Variants in ADARB2 observed in about 807,000 individuals in gnomAD.
The protein encoded by ADARB2 is inactive double-stranded RNA-specific editase B2.
Under a neutral mutation model 62.2 loss-of-function variants are expected in ADARB2, and 25 were observed. The ratio of observed to expected loss-of-function variants is 0.40; its 90% CI spans 0.29 to 0.56. The LOEUF is 0.56. Ranked by LOEUF, ADARB2 falls within the 20% of genes least tolerant of loss-of-function variation. ADARB2 has a pLI of 0.43. For synonymous variants in ADARB2, 572 were observed against 500.8 expected (o/e 1.14, Z -1.90); for missense variants, 1,071 against 1,077.4 (o/e 0.99, Z 0.08).
chr10:1,269,211 C>T (rs1831235971), intron 4 of ADARB2, among the ~76,000 whole-genome samples: 1 of 152,058 alleles, frequency 6.6e-6, no homozygotes, highest in Admixed American at 6.6e-5. Flanking sequence ...TGTAACACTC[C>T]ACATTTTAAA....
intron 1 of ADARB2, among the ~76,000 whole-genome samples, chr10:1,668,923 C>T (rs1834346172): frequency 6.6e-6 from 1 of 152,180 alleles, no homozygotes. Context: ...TGTGACAGAG[C>T]CTGGTTAGGT....
At chr10:1,517,129 G>C (rs557306583) in intron 1 of ADARB2, among the ~76,000 whole-genome samples, 18 of 152,268 alleles carry the variant, frequency 1.2e-4, no homozygotes, top group African/African-American at 4.3e-4. Flanking sequence ...CAGCTGCACC[G>C]AGAGTGTGAG....
intron 1 of ADARB2, among the ~76,000 whole-genome samples, chr10:1,581,384 C>G (rs1302000556): frequency 6.6e-6 from 1 of 152,222 alleles, no homozygotes; most frequent in Non-Finnish European, 1.5e-5. Context: ...GTCACCATCT[C>G]CCCCGAGGAC....
At chr10:1,229,959 G>C (rs1411720801) in intron 6 of ADARB2, among the ~76,000 whole-genome samples, 1 of 152,178 alleles carries the variant, frequency 6.6e-6, no homozygotes, top group Non-Finnish European at 1.5e-5. Context: ...ATCGCTCGAT[G>C]CAGGCCAAAG....
chr10:1,554,514 T>G (rs1832673873), intron 1 of ADARB2, among the ~76,000 whole-genome samples: 1 of 152,024 alleles, frequency 6.6e-6, no homozygotes, highest in African/African-American at 2.4e-5. Context: ...CCCCAAGTTC[T>G]GCTGGTGACG....
chr10:1,274,213 G>A (rs1339206123), intron 3 of ADARB2, among the ~76,000 whole-genome samples: 4 of 152,250 alleles, frequency 2.6e-5, no homozygotes, highest in Non-Finnish European at 4.4e-5. Flanking sequence ...AGGCGTCCTG[G>A]ACTCCAGCCA....
At chr10:1,717,619 C>T (rs936488731) in intron 1 of ADARB2, among the ~76,000 whole-genome samples, 1 of 150,516 alleles carries the variant, frequency 6.6e-6, no homozygotes, top group Non-Finnish European at 1.5e-5. Flanking sequence ...GTTCTGTCAC[C>T]AAGTCTGGAG....
chr10:1,357,365 G>A (rs1302522387), intron 3 of ADARB2, among the ~76,000 whole-genome samples: 2 of 152,118 alleles, frequency 1.3e-5, no homozygotes, highest in South Asian at 2.1e-4. Context: ...GAGGTTGGTG[G>A]GCACAGTGGC....
At chr10:1,532,596 C>T (rs1832260628) in intron 1 of ADARB2, among the ~76,000 whole-genome samples, 1 of 152,178 alleles carries the variant, frequency 6.6e-6, no homozygotes, top group South Asian at 2.1e-4. Context: ...TTGGGTGCTG[C>T]CCCAGTGCAT....
At position 1,352,031 on chromosome 10, in the gene ADARB2, C is replaced by T. The variant is rs111273843; in HGVS notation, c.1077+10997G>A. The stretch of plus-strand genomic sequence containing the variant: ...TGCACCCTTCATCCCAGCCTCTCTT[C>T]GCTTTCACTTGGACTGACCCTGACA... On this transcript the variant is annotated intron_variant, in intron 3 of 9. Transcript: ENST00000381312. 1.3e-4 allele frequency among the ~76,000 whole-genome samples: 19 copies of T among 151,674 alleles called. No individual in the cohort carries two copies. In the South Asian group the frequency reaches 1.5e-3, roughly 12 times the overall value.
At chr10:1,376,578 A>G (rs533371199) in intron 2 of ADARB2, among the ~76,000 whole-genome samples, 6 of 152,260 alleles carry the variant, frequency 3.9e-5, no homozygotes, top group Non-Finnish European at 7.4e-5. Context: ...CAGGAATCTC[A>G]CGGGCAGAGC....
At chr10:1,590,585 C>T (rs952795885) in intron 1 of ADARB2, among the ~76,000 whole-genome samples, 25 of 152,276 alleles carry the variant, frequency 1.6e-4, no homozygotes, top group Admixed American at 7.8e-4. Context: ...GGCCGTTAGA[C>T]GAGAGGCTCT....
rs1413526026 is a variant in ADARB2 at position 1,347,902 on chromosome 10, G to GGATACGGAGACAGAGACA, written c.1077+15108_1077+15125dup. Among the ~76,000 whole-genome samples the GGATACGGAGACAGAGACA allele has an allele frequency of 4.2e-4, 64 of 152,098 alleles. 2 individuals carry two copies. The South Asian group carries it at 0.012, about 29-fold the overall frequency. On this transcript the variant is annotated intron_variant, in intron 3 of 9. Transcript: ENST00000381312. ...GGTAGAGAGATACAGGAACAGAGAGGGATACGGAGACAGAGACAGACACAG... is the reference window on the plus strand; with the variant it reads ...GGTAGAGAGATACAGGAACAGAGAGGGATACGGAGACAGAGACAGATACGGAGACAGAGACAGACACAG...
At chr10:1,588,227 A>G (rs904282904) in intron 1 of ADARB2, among the ~76,000 whole-genome samples, 2 of 152,108 alleles carry the variant, frequency 1.3e-5, no homozygotes, top group African/African-American at 4.8e-5. Flanking sequence ...CTGCCCTGAA[A>G]CACTCACCTT....
intron 6 of ADARB2, among the ~76,000 whole-genome samples, chr10:1,227,831 C>A (rs1830762252): frequency 1.3e-5 from 2 of 152,180 alleles, no homozygotes; most frequent in South Asian, 2.1e-4. Context: ...AAAGGCATAT[C>A]CCAGAAAGTC....
intron 1 of ADARB2, among the ~76,000 whole-genome samples, chr10:1,614,341 T>G (rs1261543584): frequency 6.6e-6 from 1 of 152,244 alleles, no homozygotes; most frequent in African/African-American, 2.4e-5. Context: ...ACTTTTAAAC[T>G]AGGCAAAGCA....
rs36041056 is a variant in ADARB2 at position 1,252,659 on chromosome 10, A to AT, written c.1193-10361dup. Reference sequence around the variant, plus strand: ...ATTTTCAATCTTTTCCTGCAAGCCAATTTTTTTTTTTTTAAATCTTCTGGT... The same window carrying AT: ...ATTTTCAATCTTTTCCTGCAAGCCAATTTTTTTTTTTTTTAAATCTTCTGGT... On this transcript the variant is annotated intron_variant, in intron 4 of 9. Transcript: ENST00000381312. Among the ~76,000 whole-genome samples, 729 of 149,740 alleles carry AT rather than the reference A, an allele frequency of 4.9e-3. 12 individuals carry two copies. The highest frequency in any genetic ancestry group is 0.02 in the South Asian group (91 of 4,662).
intron 1 of ADARB2, among the ~76,000 whole-genome samples, chr10:1,385,110 A>C (rs1219695821): frequency 6.6e-6 from 1 of 152,212 alleles, no homozygotes; most frequent in African/African-American, 2.4e-5. Flanking sequence ...TTTCAACTAG[A>C]AACTGGTCAG....
intron 1 of ADARB2, among the ~76,000 whole-genome samples, chr10:1,520,034 C>G (rs1362333861): frequency 6.6e-6 from 1 of 152,218 alleles, no homozygotes; most frequent in Non-Finnish European, 1.5e-5. Flanking sequence ...AGAGGCTCTA[C>G]TGAGCACTTG....
Sources: gnomAD v4.1 joint callset for allele counts (sites outside exome capture counted in the v4.1 genomes callset) on GRCh38, gnomAD v4.1.1 for gene constraint, MANE v1.5 for transcripts, NCBI Gene and HGNC (gene_info 2026-07-23, HGNC 2026-07-21) for gene names.